Variants in LAMP3 observed in about 807,000 individuals in gnomAD.
LAMP3 encodes lysosome associated membrane protein 3.
A neutral mutation model predicts 34.8 loss-of-function variants in LAMP3; 26 were observed. The observed-to-expected ratio is 0.75, with a 90% CI of 0.55 to 1.04. The LOEUF (loss-of-function observed/expected upper bound fraction) is 1.04, where lower values mean the gene tolerates loss of function less well. LAMP3 is among the 50% of genes least tolerant of loss of function. The probability of loss-of-function intolerance (pLI) is 0.00; values close to 1 mark genes in which losing one functional copy is unlikely to be tolerated. For missense variants in LAMP3, 495 were observed against 524.0 expected (o/e 0.94, Z 0.54); for synonymous variants, 180 against 201.9 (o/e 0.89, Z 0.92).
chr3:183,143,244 G>A (rs968564845), intron 3 of LAMP3, among the ~76,000 whole-genome samples: 3 of 152,030 alleles, frequency 2.0e-5, no homozygotes, highest in Non-Finnish European at 2.9e-5. Context: ...AAGTAGCTGG[G>A]ACTACAAGCA....
chr3:183,146,355 G>A (rs999043244), intron 3 of LAMP3, among the ~76,000 whole-genome samples: 3 of 152,046 alleles, frequency 2.0e-5, no homozygotes, highest in Non-Finnish European at 2.9e-5. Flanking sequence ...TTTCAAAAGC[G>A]ACTGACTGAA....
chr3:183,132,011 TTGTCTCCCTGCTC>T (rs1414049800), intron 5 of LAMP3: 2 of 985,266 alleles, frequency 2.0e-6, no homozygotes, highest in African/African-American at 3.5e-5. Flanking sequence ...CCATTCCATA[TTGTCTCCCTGCTC>T]TGTCTCCCTC....
At chr3:183,158,141 GGTATAAAAGATA>G (rs1440560241) in intron 1 of LAMP3, 2 of 152,166 alleles carry the variant, frequency 1.3e-5, no homozygotes. Flanking sequence ...CCCTGTGTGG[GGTATAAAAGATA>G]GGCAGGTGAT....
In LAMP3 at chr3:183,154,289, GGTTTTTTTA is replaced by G; in HGVS notation, c.143_151del (p.Ile48_Pro51delinsThr). On this transcript the variant is annotated inframe_deletion, in exon 2 of 6. Transcript: ENST00000265598. ...TGCTTGCTTAGCTGGTTGCTGGACA[GGTTTTTTTA>G]TGTCCTGTACTGTTGCTGCTGCAGT... 1.2e-6 allele frequency: 2 copies of G among 1,614,084 alleles called. No individual in the cohort carries two copies. The highest frequency in any genetic ancestry group is 2.2e-5 in the South Asian group (2 of 91,078).
intron 5 of LAMP3, among the ~76,000 whole-genome samples, chr3:183,125,437 C>T (rs184704172): frequency 6.7e-4 from 102 of 152,306 alleles, no homozygotes; most frequent in African/African-American, 2.2e-3. Context: ...TTGTAGTACA[C>T]GATTTGGCTT....
chr3:183,130,807 A>G (rs1034963775), intron 5 of LAMP3, among the ~76,000 whole-genome samples: 2 of 151,918 alleles, frequency 1.3e-5, no homozygotes, highest in Non-Finnish European at 2.9e-5. Context: ...TCACTACCCT[A>G]GGTTGGAAAA....
At chr3:183,159,080 G>A (rs547711522) in intron 1 of LAMP3, among the ~76,000 whole-genome samples, 3 of 151,872 alleles carry the variant, frequency 2.0e-5, no homozygotes, top group East Asian at 3.9e-4. Flanking sequence ...TGCATTTTTT[G>A]TACAGTCTCA....
At chr3:183,154,513 G>A (rs1720770358) in intron 1 of LAMP3, 122 bp from the exon 2 acceptor site, 3 of 730,630 alleles carry the variant, frequency 4.1e-6, no homozygotes, top group South Asian at 3.8e-5. Context: ...TATACTTGGG[G>A]GAAATTTGCA....
At chr3:183,161,794 G>T in intron 1 of LAMP3, 1 of 199,892 alleles carries the variant, frequency 5.0e-6, no homozygotes, top group Non-Finnish European at 9.0e-6. Flanking sequence ...TTTTTTAATA[G>T]CTTGCCCTGT....
At chr3:183,151,313 G>C (rs1345659020) in intron 3 of LAMP3, among the ~76,000 whole-genome samples, 1 of 152,198 alleles carries the variant, frequency 6.6e-6, no homozygotes, top group Non-Finnish European at 1.5e-5. Flanking sequence ...TCTCCCAGGG[G>C]AGTGGGATGA....
chr3:183,135,659 G>T, intron 5 of LAMP3, 58 bp downstream of exon 5: 2 of 1,473,368 alleles, frequency 1.4e-6, no homozygotes, highest in African/African-American at 1.4e-5. Flanking sequence ...AAAACACTTT[G>T]GATCTACCCT....
intron 3 of LAMP3, among the ~76,000 whole-genome samples, chr3:183,144,430 C>A (rs1464101904): frequency 6.6e-6 from 1 of 151,838 alleles, no homozygotes; most frequent in African/African-American, 2.4e-5. Flanking sequence ...GGAAGTCTCT[C>A]ATTTTACCTG....
intron 4 of LAMP3, 74 bp downstream of exon 4, chr3:183,140,464 A>G: frequency 1.4e-6 from 1 of 705,574 alleles, no homozygotes. Context: ...GAGAAGATTC[A>G]ATGGGATGAA....
chr3:183,149,047 G>A (rs1720531966), intron 3 of LAMP3, among the ~76,000 whole-genome samples: 2 of 152,140 alleles, frequency 1.3e-5, no homozygotes, highest in African/African-American at 4.8e-5. Flanking sequence ...TAACAACCTG[G>A]ATGCAACCGG....
In LAMP3 at chr3:183,124,201, C is replaced by G; in HGVS notation, c.1131G>C (p.Ser377=). ...CAGGAAGCACAATTGTGTAGTCAGA[C>G]GAGCACTCATCCACTAAGAGAGAAA... ...DDHFGNVDEC[S]SDYTIVLPVI... Residue 377 remains serine (S), a synonymous_variant, in exon 6 of 6, where the codon TCG becomes TCC. Coordinates refer to ENST00000265598, the MANE Select transcript of LAMP3 (RefSeq NM_014398.4). The G allele has an allele frequency of 1.3e-6, 2 of 1,591,206 alleles. No individual in the cohort carries two copies. Among genetic ancestry groups the G allele is most frequent in the Admixed American group, 1.8e-5 (1 of 54,232 alleles).
At chr3:183,131,916 C>T (rs1227915772) in intron 5 of LAMP3, 1 of 985,150 alleles carries the variant, frequency 1.0e-6, no homozygotes, top group African/African-American at 1.7e-5. Context: ...CAACCGTCCC[C>T]CATCAGGAAT....
chr3:183,158,591 A>G (rs1188271929), intron 1 of LAMP3, among the ~76,000 whole-genome samples: 1 of 151,718 alleles, frequency 6.6e-6, no homozygotes, highest in Non-Finnish European at 1.5e-5. Context: ...TTGCATGAAG[A>G]GGCGTTAGAA....
At chr3:183,156,217 G>T (rs899758971) in intron 1 of LAMP3, among the ~76,000 whole-genome samples, 7 of 152,144 alleles carry the variant, frequency 4.6e-5, no homozygotes, top group African/African-American at 1.7e-4. Context: ...AAAATTAGCT[G>T]GGCATGGTGA....
At chr3:183,141,076 C>A (rs111858983) in intron 3 of LAMP3, among the ~76,000 whole-genome samples, 1 of 152,222 alleles carries the variant, frequency 6.6e-6, no homozygotes, top group African/African-American at 2.4e-5. Context: ...ATGGGAGGAC[C>A]TCCCGGGGTC....
Sources: allele counts gnomAD v4.1 joint callset (sites outside exome capture counted in the v4.1 genomes callset), GRCh38; gene constraint gnomAD v4.1.1; transcripts MANE v1.5; gene names NCBI Gene and HGNC (gene_info 2026-07-23, HGNC 2026-07-21).